The following XPO7 variants were observed in gnomAD, a reference collection of about 807,000 sequenced individuals.
XPO7 encodes exportin 7.
A neutral mutation model predicts 144.3 loss-of-function variants in XPO7; 21 were observed. The observed-to-expected ratio is 0.15, with a 90% CI of 0.10 to 0.21. XPO7 has a LOEUF of 0.21. Among genes scored for constraint, XPO7 ranks in the 10% least tolerant of loss-of-function variants. XPO7 has a pLI of 1.00. For missense variants in XPO7, 808 were observed against 1,325.8 expected, an observed-to-expected ratio of 0.61 and a Z score of 6.06; for synonymous variants, 580 against 499.6, an observed-to-expected ratio of 1.16 and a Z score of -2.15.
intron 1 of XPO7, among the ~76,000 whole-genome samples, chr8:21,933,249 T>G (rs546992565): frequency 1.3e-5 from 2 of 152,164 alleles, no homozygotes; most frequent in African/African-American, 4.8e-5. Context: ...TACAGGCATG[T>G]GCCACCACAC....
At chr8:21,967,769 G>T (rs1374852269) in intron 2 of XPO7, among the ~76,000 whole-genome samples, 1 of 152,184 alleles carries the variant, frequency 6.6e-6, no homozygotes, top group Non-Finnish European at 1.5e-5. Context: ...AATTACAGGA[G>T]ATTGTAGGAT....
chr8:21,961,051 C>T (rs1422923488), intron 1 of XPO7, among the ~76,000 whole-genome samples: 3 of 152,146 alleles, frequency 2.0e-5, no homozygotes, highest in Non-Finnish European at 4.4e-5. Context: ...GGGTAACCAG[C>T]ACACAAATTA....
At chr8:21,952,755 T>C (rs1452054519) in intron 1 of XPO7, among the ~76,000 whole-genome samples, 1 of 152,186 alleles carries the variant, frequency 6.6e-6, no homozygotes, top group Non-Finnish European at 1.5e-5. Context: ...AGCTAGAGAA[T>C]TGTAACCATT....
chr8:21,994,545 G>A, intron 20 of XPO7, 94 bp downstream of exon 20: 2 of 1,177,010 alleles, frequency 1.7e-6, no homozygotes, highest in Admixed American at 2.0e-5. Flanking sequence ...GGGAAGGGAG[G>A]GTAGTGAGGC....
intron 7 of XPO7, 28 bp from the exon 8 acceptor site, chr8:21,977,742 T>A (rs1387809884): frequency 1.9e-6 from 3 of 1,609,878 alleles, no homozygotes; most frequent in Non-Finnish European, 2.5e-6. Flanking sequence ...CTTAATAAAG[T>A]GATGTCTTTT....
chr8:21,940,730 A>G (rs1810963325), intron 1 of XPO7, among the ~76,000 whole-genome samples: 1 of 151,996 alleles, frequency 6.6e-6, no homozygotes, highest in Non-Finnish European at 1.5e-5. Context: ...TGGCCTCCCA[A>G]AGTGCTGGGA....
chr8:21,938,830 C>A (rs1810900544), intron 1 of XPO7, among the ~76,000 whole-genome samples: 1 of 151,736 alleles, frequency 6.6e-6, no homozygotes, highest in African/African-American at 2.4e-5. Flanking sequence ...ATCTCAAGAT[C>A]CCAGATTGAG....
intron 1 of XPO7, among the ~76,000 whole-genome samples, chr8:21,956,566 A>G (rs771475552): frequency 1.3e-5 from 2 of 152,054 alleles, no homozygotes. Context: ...TGTTAGGCCT[A>G]TGGAACTGGG....
At chr8:21,977,938 C>A in intron 8 of XPO7, 95 bp downstream of exon 8, 2 of 1,110,576 alleles carry the variant, frequency 1.8e-6, no homozygotes, top group Non-Finnish European at 1.3e-6. Flanking sequence ...TAAAATTATA[C>A]AAGTAAAGCA....
At chr8:21,998,365 C>T (rs971935356) in intron 21 of XPO7, among the ~76,000 whole-genome samples, 1 of 152,094 alleles carries the variant, frequency 6.6e-6, no homozygotes, top group Non-Finnish European at 1.5e-5. Flanking sequence ...GGTGTGAACC[C>T]GAGAGGCAGA....
Position 21,966,888 on chromosome 8 carries a change from A to G in XPO7, c.50A>G (p.Gln17Arg). The change falls in exon 2 of 28, where the codon CAG becomes CGG. Residue 17 changes from glutamine to arginine, a missense_variant. By Grantham distance (43) the Gln-to-Arg change is conservative. This residue lies in a region of XPO7 where 223 missense variants were observed against 368.8 expected (regional missense o/e 0.60). Transcript: ENST00000252512. ...GCCCAACTAGAGAATCTGTGCAAAC[A>G]GCTGTATGAAACCACAGACACAACC... is the stretch of plus-strand genomic sequence containing the variant. ...SLAQLENLCK[Q>R]LYETTDTTTR... is the part of the protein sequence containing the mutation. The G allele has an allele frequency of 6.2e-7, 1 of 1,613,962 alleles. No individual in the cohort carries two copies. The highest frequency in any genetic ancestry group is 8.5e-7 in the Non-Finnish European group (1 of 1,179,848).
In XPO7 at chr8:21,981,865, G is replaced by A. The variant is rs1290125234; in HGVS notation, c.1092G>A (p.Val364=). Residue 364 remains valine, a synonymous_variant, in exon 10 of 28, where the codon GTG becomes GTA. Coordinates refer to ENST00000252512, the MANE Select transcript of XPO7 (RefSeq NM_015024.5). The stretch of plus-strand genomic sequence containing the variant: ...TCCGATTGATAGCCAACTTCACAGT[G>A]ACCAGCCTACAGGTTTGTCTTTGAT... The part of the protein sequence containing the change: ...EVIRLIANFT[V]TSLQHWEFAP... 2 of 1,613,954 alleles carry A rather than the reference G, an allele frequency of 1.2e-6. No homozygotes were observed. Among genetic ancestry groups the A allele is most frequent in the Non-Finnish European group, 1.7e-6 (2 of 1,179,870 alleles).
intron 8 of XPO7, among the ~76,000 whole-genome samples, chr8:21,979,338 C>G (rs1812327602): frequency 6.6e-6 from 1 of 152,024 alleles, no homozygotes; most frequent in African/African-American, 2.4e-5. Context: ...AGCCACCACA[C>G]CTGGCCAAAG....
intron 1 of XPO7, among the ~76,000 whole-genome samples, chr8:21,958,579 A>G (rs1430567359): frequency 6.6e-6 from 1 of 152,044 alleles, no homozygotes; most frequent in Non-Finnish European, 1.5e-5. Flanking sequence ...ATTACCGACA[A>G]AAAGCACAAA....
In XPO7 at chr8:22,005,713, C is replaced by G. The variant is rs1447745708; in HGVS notation, c.*625C>G. 6.6e-6 allele frequency: 1 copy of G among 152,202 alleles called. No individual in the cohort carries two copies. The allele number at this position is 152,202 out of a possible 1,614,324, so 9.4% of individuals were successfully genotyped here. ...ACCCAGAAATGATCAATTCCTGTTA[C>G]TGTATTAACCCTTGTTATTAGGAAC... On this transcript the variant is annotated 3_prime_UTR_variant, in exon 28 of 28. Coordinates refer to ENST00000252512, the MANE Select transcript of XPO7 (RefSeq NM_015024.5).
At chr8:21,929,159 A>G (rs1182161619) in intron 1 of XPO7, among the ~76,000 whole-genome samples, 1 of 152,252 alleles carries the variant, frequency 6.6e-6, no homozygotes, top group Non-Finnish European at 1.5e-5. Flanking sequence ...ACCATATTGC[A>G]TAGTGCAGAT....
At chr8:22,000,226 A>G (rs1293505285) in intron 24 of XPO7, among the ~76,000 whole-genome samples, 1 of 152,190 alleles carries the variant, frequency 6.6e-6, no homozygotes, top group East Asian at 1.9e-4. Flanking sequence ...GATGGCTGGC[A>G]CACTAGTCCA....
At position 22,003,899 on chromosome 8, in the gene XPO7, A is replaced by C. The variant is rs754127081; in HGVS notation, c.3043-4A>C. The C allele has an allele frequency of 6.2e-7, 1 of 1,613,830 alleles. No homozygotes were observed. The highest frequency in any genetic ancestry group is 1.1e-5 in the South Asian group (1 of 91,062). Reference sequence around the variant, plus strand: ...AACCTTCTGTTCCACTCCTTGCCCCACAGTATTTTTCTGACCTAAGAAACA... The same window carrying C: ...AACCTTCTGTTCCACTCCTTGCCCCCCAGTATTTTTCTGACCTAAGAAACA... On this transcript the variant is annotated splice_region_variant and splice_polypyrimidine_tract_variant and intron_variant, in intron 26 of 27. Transcript: ENST00000252512.
At chr8:21,999,799 AAT>A in intron 24 of XPO7, 125 bp downstream of exon 24, 1 of 1,238,486 alleles carries the variant, frequency 8.1e-7, no homozygotes, top group Non-Finnish European at 1.1e-6. Flanking sequence ...TGGCCATAAC[AAT>A]AGAGTATATA....
Sources: gnomAD v4.1 joint callset for allele counts (sites outside exome capture counted in the v4.1 genomes callset) on GRCh38, gnomAD v4.1.1 for gene constraint, gnomAD v4.1.1 regional missense constraint, MANE v1.5 for transcripts, NCBI Gene and HGNC (gene_info 2026-07-23, HGNC 2026-07-21) for gene names.